EXOC2: variants seen among roughly 807,000 people sequenced by gnomAD.
The protein encoded by EXOC2 is exocyst complex component 2, also known as SEC5-like 1.
In EXOC2, 70 loss-of-function variants were observed where a neutral mutation model predicts 131.8. The observed-to-expected ratio is 0.53, with a 90% CI of 0.44 to 0.65. The LOEUF (loss-of-function observed/expected upper bound fraction) is 0.65. EXOC2 is among the 30% of genes least tolerant of loss of function. The probability of loss-of-function intolerance (pLI) is 0.00; values close to 1 mark genes in which losing one functional copy is unlikely to be tolerated. For missense variants in EXOC2, 923 were observed against 1,108.6 expected (o/e 0.83, Z 2.38); for synonymous variants, 411 against 398.4 (o/e 1.03, Z -0.38).
chr6:656,483 G>A lies in EXOC2; in HGVS notation c.-43-18622C>T, dbSNP rs753972185. 17 of 1,609,642 alleles carry A rather than the reference G, an allele frequency of 1.1e-5. No homozygotes were observed. In the South Asian group the frequency reaches 1.5e-4, roughly 15 times the overall value. On this transcript the variant is annotated intron_variant, in intron 1 of 27. Transcript: ENST00000230449. ...TCCAGCGCGGCAGGCGGATGCTCGC[G>A]TCGGAGGCGCGCAGGCTGGGCGGCA...
Position 497,464 on chromosome 6 carries a change from A to G in EXOC2, c.2462T>C (p.Val821Ala). 1 of 1,612,614 alleles carries G rather than the reference A, an allele frequency of 6.2e-7. No individual in the cohort carries two copies. The change falls in exon 25 of 28, where the codon GTC becomes GCC. Residue 821 changes from valine (V) to alanine (A), a missense_variant. Transcript: ENST00000230449. ...AEVFTISKEL[V>A]PRVLSKVIEA... ...TATCACCTTGGATAGTACCCGAGGG[A>G]CCAGTTCTTTGGAAATGGTGAACAC...
chr6:523,936 G>T (rs771285173), intron 23 of EXOC2, among the ~76,000 whole-genome samples: 1 of 152,320 alleles, frequency 6.6e-6, no homozygotes, highest in South Asian at 2.1e-4. Context: ...GGTGATGTTT[G>T]GGGTAGTATG....
chr6:518,321 G>T (rs1329144363), intron 23 of EXOC2, among the ~76,000 whole-genome samples: 1 of 152,214 alleles, frequency 6.6e-6, no homozygotes, highest in East Asian at 1.9e-4. Flanking sequence ...GCTTAAGTCG[G>T]CCAACAGGTC....
intron 7 of EXOC2, among the ~76,000 whole-genome samples, chr6:603,456 G>C (rs536216549): frequency 1.3e-5 from 2 of 152,262 alleles, no homozygotes; most frequent in African/African-American, 2.4e-5. Flanking sequence ...TGGAACTGAG[G>C]AAAGAGCTGA....
rs367888442 is a variant in EXOC2 at position 490,152 on chromosome 6, AG to A, written c.2621+972del. On this transcript the variant is annotated intron_variant, in intron 26 of 27. Transcript: ENST00000230449. ...GATAAACATACTACATATTATTGGC[AG>A]GGTACTGAAAATTAAAAAGTGATTT... Among the ~76,000 whole-genome samples the A allele has an allele frequency of 1.7e-3, 264 of 152,204 alleles. 2 individuals carry two copies. Among genetic ancestry groups the A allele is most frequent in the Middle Eastern group, 6.8e-3 (2 of 294 alleles).
At chr6:589,166 A>G (rs1209913374) in intron 11 of EXOC2, among the ~76,000 whole-genome samples, 1 of 152,226 alleles carries the variant, frequency 6.6e-6, no homozygotes, top group Non-Finnish European at 1.5e-5. Flanking sequence ...GAATATGGTG[A>G]CTGCATTCAT....
rs180743203 is a variant in EXOC2 at position 664,246 on chromosome 6, C to T, written c.-43-26385G>A. Among the ~76,000 whole-genome samples, 1,297 of 152,098 alleles carry T rather than the reference C, an allele frequency of 8.5e-3. 8 individuals are homozygous for T. Among genetic ancestry groups the T allele is most frequent in the Non-Finnish European group, 0.014 (955 of 67,968 alleles). On this transcript the variant is annotated intron_variant, in intron 1 of 27. Transcript: ENST00000230449. ...TATACCTAACCAAAAACAGGTCTTTCGGAGGACCTCTACAGAGAAAACTAC... is the reference window on the plus strand; with the variant it reads ...TATACCTAACCAAAAACAGGTCTTTTGGAGGACCTCTACAGAGAAAACTAC...
chr6:501,147 TTATATATATCTATATATATTATATATATC>T (rs1764053268), intron 23 of EXOC2, among the ~76,000 whole-genome samples: 1 of 47,922 alleles, frequency 2.1e-5, no homozygotes, highest in African/African-American at 7.2e-5. Flanking sequence ...TCTATATATA[TTATATATATCTATATATATTATATATATC>T]TATATATTAT....
At chr6:521,729 T>C (rs1385797949) in intron 23 of EXOC2, among the ~76,000 whole-genome samples, 1 of 152,072 alleles carries the variant, frequency 6.6e-6, no homozygotes, top group Non-Finnish European at 1.5e-5. Context: ...GGTCTCACTA[T>C]GTTGCCCAGG....
intron 7 of EXOC2, among the ~76,000 whole-genome samples, chr6:609,659 G>C (rs1245442972): frequency 6.6e-6 from 1 of 152,030 alleles, no homozygotes; most frequent in East Asian, 1.9e-4. Context: ...TTAGAAAAAG[G>C]CAAGTTATAC....
chr6:671,052 A>AC (rs1479360466), intron 1 of EXOC2, among the ~76,000 whole-genome samples: 26 of 150,238 alleles, frequency 1.7e-4, no homozygotes, highest in African/African-American at 5.6e-4. Context: ...CCATCTCAAA[A>AC]AAAAAAAAAA....
At chr6:604,751 A>G (rs3823141) in intron 7 of EXOC2, among the ~76,000 whole-genome samples, 9,701 of 136,304 alleles carry the variant, frequency 0.071, 942 homozygotes, top group African/African-American at 0.18. Flanking sequence ...CCACTCAGCC[A>G]CCCACCGCTG....
intron 21 of EXOC2, 98 bp downstream of exon 21, chr6:553,756 G>A (rs753132453): frequency 1.4e-4 from 128 of 933,042 alleles, no homozygotes; most frequent in South Asian, 7.5e-4. Flanking sequence ...CCTATACCAC[G>A]TGCTATAGCA....
chr6:624,135 AAAATGTGAAAT>A (rs1316649034), intron 4 of EXOC2, among the ~76,000 whole-genome samples: 1 of 149,878 alleles, frequency 6.7e-6, no homozygotes, highest in Non-Finnish European at 1.5e-5. Context: ...AAACACCTCA[AAAATGTGAAAT>A]AAATGAGTTA....
At chr6:684,910 C>A (rs1007660626) in intron 1 of EXOC2, among the ~76,000 whole-genome samples, 1 of 152,100 alleles carries the variant, frequency 6.6e-6, no homozygotes, top group Non-Finnish European at 1.5e-5. Flanking sequence ...GACAAGAAAT[C>A]TGAACAAAAT....
intron 11 of EXOC2, among the ~76,000 whole-genome samples, chr6:589,161 T>C (rs192639492): frequency 2.6e-3 from 398 of 152,364 alleles, no homozygotes; most frequent in Admixed American, 4.2e-3. Context: ...CCAGTGAATA[T>C]GGTGACTGCA....
intron 10 of EXOC2, among the ~76,000 whole-genome samples, chr6:595,058 C>T (rs1052046781): frequency 6.6e-6 from 1 of 150,540 alleles, no homozygotes. Context: ...CTCACAGCTA[C>T]CAGGGATAAG....
At chr6:616,674 A>G (rs1282061150) in intron 6 of EXOC2, among the ~76,000 whole-genome samples, 1 of 151,774 alleles carries the variant, frequency 6.6e-6, no homozygotes, top group Non-Finnish European at 1.5e-5. Context: ...TGCATCACAT[A>G]CACATTTAAT....
intron 23 of EXOC2, among the ~76,000 whole-genome samples, chr6:513,617 C>G (rs1764975979): frequency 6.6e-6 from 1 of 152,150 alleles, no homozygotes; most frequent in South Asian, 2.1e-4. Flanking sequence ...CTTAAAGTCC[C>G]TATTACTGTA....
Sources: allele counts gnomAD v4.1 joint callset (sites outside exome capture counted in the v4.1 genomes callset), GRCh38; gene constraint gnomAD v4.1.1; transcripts MANE v1.5; gene names NCBI Gene and HGNC (gene_info 2026-07-23, HGNC 2026-07-21).